UBE3B: variants seen among roughly 807,000 people sequenced by gnomAD.
UBE3B encodes ubiquitin-protein ligase E3B.
Under a neutral mutation model 132.3 loss-of-function variants are expected in UBE3B, and 80 were observed. That is an observed-to-expected ratio of 0.60 (90% confidence interval 0.50 to 0.73). UBE3B has a LOEUF of 0.73. UBE3B is among the 30% of genes least tolerant of loss of function. The probability of loss-of-function intolerance (pLI) is 0.00; values close to 1 mark genes in which losing one functional copy is unlikely to be tolerated. For synonymous variants in UBE3B, 487 were observed against 520.4 expected, an observed-to-expected ratio of 0.94 and a Z score of 0.87; for missense variants, 1,196 against 1,362.5, an observed-to-expected ratio of 0.88 and a Z score of 1.92.
intron 26 of UBE3B, among the ~76,000 whole-genome samples, chr12:109,531,329 T>A (rs1009152819): frequency 2.6e-5 from 4 of 152,172 alleles, no homozygotes; most frequent in African/African-American, 4.8e-5. Context: ...ACATCAGCAG[T>A]GTGTAAGTAT....
intron 14 of UBE3B, among the ~76,000 whole-genome samples, 171 bp from the exon 15 acceptor site, chr12:109,507,393 T>C (rs1196143058): frequency 2.0e-5 from 3 of 152,228 alleles, no homozygotes; most frequent in South Asian, 2.1e-4. Flanking sequence ...CTGGCTCTTA[T>C]CATTGTTACT....
At chr12:109,518,511 G>A (rs567783657) in intron 19 of UBE3B, among the ~76,000 whole-genome samples, 71 of 152,170 alleles carry the variant, frequency 4.7e-4, no homozygotes, top group Non-Finnish European at 9.0e-4. Flanking sequence ...GCCCAATTGT[G>A]TGGTAGGGAC....
downstream of UBE3B, among the ~76,000 whole-genome samples, chr12:109,540,964 C>G (rs1208335050): frequency 6.6e-6 from 1 of 152,188 alleles, no homozygotes; most frequent in Non-Finnish European, 1.5e-5. Flanking sequence ...TGAGGTGGTC[C>G]TCTCCTCCTC....
chr12:109,527,497 G>C (rs905077789), intron 24 of UBE3B, among the ~76,000 whole-genome samples: 1 of 152,236 alleles, frequency 6.6e-6, no homozygotes, highest in Non-Finnish European at 1.5e-5. Context: ...GCACGTCGCA[G>C]TCCAGTGTTC....
chr12:109,490,201 C>T lies in UBE3B; in HGVS notation c.630+197C>T. The T allele has an allele frequency of 4.6e-6, 4 of 860,968 alleles. No individual in the cohort carries two copies. In the South Asian group the frequency reaches 5.7e-5, roughly 12 times the overall value. The allele number at this position is 860,968 out of a possible 1,614,324, so 53.3% of individuals were successfully genotyped here. A position where few individuals can be genotyped will look rare whatever the true frequency, so the allele number is the denominator to read the frequency against. On this transcript the variant is annotated intron_variant, in intron 8 of 27. Transcript: ENST00000342494. ...GTCAGGTAAAGGGAGGACAGTGGTGCTGGGATCCCTTGAATGCTCTACATT... is the reference window on the plus strand; with the variant it reads ...GTCAGGTAAAGGGAGGACAGTGGTGTTGGGATCCCTTGAATGCTCTACATT...
chr12:109,547,105 T>C, the UBE3B span, among the ~76,000 whole-genome samples: 4 of 152,056 alleles, frequency 2.6e-5, no homozygotes, highest in Admixed American at 6.5e-5. The surrounding 1 kb of genome is among the most constrained non-coding windows in gnomAD (Gnocchi z 4.1). Flanking sequence ...CCCATGGAGA[T>C]TGTATCCCAT....
chr12:109,510,555 T>C (rs983692223), intron 17 of UBE3B, 97 bp downstream of exon 17: 16 of 941,310 alleles, frequency 1.7e-5, no homozygotes, highest in African/African-American at 1.5e-4. Flanking sequence ...GAGAGGACTT[T>C]TTCCCTCTGC....
chr12:109,493,100 C>G (rs7311488), intron 9 of UBE3B, among the ~76,000 whole-genome samples: 25,700 of 152,160 alleles, frequency 0.17, 2,226 homozygotes, highest in African/African-American at 0.18. Flanking sequence ...AACAATTGTG[C>G]CTTCATTTCA....
rs1878708672 is a variant in UBE3B, at chr12:109,499,669, T to C, written c.977T>C (p.Val326Ala). ...LLHLGSLSPR[V>A]LEEETDGFVS... The stretch of plus-strand genomic sequence containing the variant: ...CACTTGGGCTCCCTCAGCCCCAGAG[T>C]GTTAGAGGAGGAGACAGATGGGTTC... The change falls in exon 12 of 28, where the codon GTG (valine) becomes GCG (alanine). Residue 326 changes from valine to alanine, a missense_variant. Physicochemically the swap from Val to Ala is moderately conservative, Grantham distance 64. Transcript: ENST00000342494. The C allele has an allele frequency of 6.2e-7, 1 of 1,611,226 alleles. No homozygotes were observed. The highest frequency in any genetic ancestry group is 8.5e-7 in the Non-Finnish European group (1 of 1,178,520).
At chr12:109,501,779 A>G (rs1018172979) in intron 13 of UBE3B, among the ~76,000 whole-genome samples, 1 of 151,986 alleles carries the variant, frequency 6.6e-6, no homozygotes, top group African/African-American at 2.4e-5. Flanking sequence ...CCTCCCAAGT[A>G]TAATAGCTGG....
At position 109,516,837 on chromosome 12, in the gene UBE3B, T is replaced by G. The variant is rs1881127450; in HGVS notation, c.2029T>G (p.Ser677Ala). The change falls in exon 19 of 28, where the codon TCC (serine) becomes GCC (alanine). Residue 677 changes from serine (S) to alanine (A), a missense_variant. Coordinates refer to ENST00000342494, the MANE Select transcript of UBE3B (RefSeq NM_130466.4). ...KLGLVETSSA[S>A]PHVTHITIRR... Reference sequence around the variant, plus strand: ...GGGGCTGGTGGAAACCAGCTCTGCCTCCCCGCATGTCACTCACATCACCAT... The same window carrying G: ...GGGGCTGGTGGAAACCAGCTCTGCCGCCCCGCATGTCACTCACATCACCAT... 1.2e-6 allele frequency: 2 copies of G among 1,614,022 alleles called. No individual in the cohort carries two copies. Among genetic ancestry groups the G allele is most frequent in the Non-Finnish European group, 1.7e-6 (2 of 1,180,008 alleles).
chr12:109,512,406 G>A (rs1241556499), intron 18 of UBE3B, among the ~76,000 whole-genome samples: 1 of 152,104 alleles, frequency 6.6e-6, no homozygotes, highest in East Asian at 1.9e-4. Flanking sequence ...GACTTGGGGA[G>A]GATTGGGCTG....
At chr12:109,514,784 T>C (rs988046934) in intron 18 of UBE3B, among the ~76,000 whole-genome samples, 1 of 152,066 alleles carries the variant, frequency 6.6e-6, no homozygotes, top group South Asian at 2.1e-4. Flanking sequence ...TGCATGGCCC[T>C]GGAACCTCTC....
chr12:109,504,361 G>C (rs1009890464), intron 14 of UBE3B, among the ~76,000 whole-genome samples: 1 of 152,266 alleles, frequency 6.6e-6, no homozygotes, highest in African/African-American at 2.4e-5. Flanking sequence ...CACTGGCCTA[G>C]TTTAGTAGCA....
chr12:109,543,091 A>G, the UBE3B span, among the ~76,000 whole-genome samples: 2 of 152,234 alleles, frequency 1.3e-5, no homozygotes, highest in Admixed American at 1.3e-4. Context: ...AGAAGCCACA[A>G]ATTCCAATGT....
At chr12:109,503,523 A>G (rs947190644) in intron 14 of UBE3B, among the ~76,000 whole-genome samples, 4 of 152,206 alleles carry the variant, frequency 2.6e-5, no homozygotes, top group Non-Finnish European at 4.4e-5. Flanking sequence ...TTTTAATTCC[A>G]TAATCCAAAA....
chr12:109,498,634 G>A (rs1878541396), intron 11 of UBE3B, among the ~76,000 whole-genome samples: 1 of 152,140 alleles, frequency 6.6e-6, no homozygotes, highest in African/African-American at 2.4e-5. Context: ...GTGGTGAATT[G>A]CCTGGATAAT....
At chr12:109,516,717 C>A in intron 18 of UBE3B, 48 bp from the exon 19 acceptor site, 2 of 1,594,154 alleles carry the variant, frequency 1.3e-6, no homozygotes, top group Admixed American at 1.7e-5. Flanking sequence ...TTTATGGAAT[C>A]GTCAGTTTGC....
intron 15 of UBE3B, among the ~76,000 whole-genome samples, chr12:109,508,061 C>T (rs189632288): frequency 1.8e-4 from 28 of 152,268 alleles, no homozygotes; most frequent in Non-Finnish European, 3.1e-4. Context: ...CTGGAAAATT[C>T]CAAAGTCAGA....
Sources: allele counts gnomAD v4.1 joint callset (sites outside exome capture counted in the v4.1 genomes callset), GRCh38; gene constraint gnomAD v4.1.1; non-coding constraint Gnocchi (gnomAD v3.1); transcripts MANE v1.5; gene names NCBI Gene and HGNC (gene_info 2026-07-23, HGNC 2026-07-21).